The following SPOCK1 variants were observed in gnomAD, a reference collection of about 807,000 sequenced individuals.
SPOCK1 encodes the protein SPARC (osteonectin), cwcv and kazal like domains proteoglycan 1.
A neutral mutation model predicts 55.3 loss-of-function variants in SPOCK1; 23 were observed. The ratio of observed to expected loss-of-function variants is 0.42; its 90% CI spans 0.30 to 0.59. The LOEUF is 0.59. Ranked by LOEUF, SPOCK1 falls within the 20% of genes least tolerant of loss-of-function variation. The pLI is 0.22. For missense variants in SPOCK1, 499 were observed against 552.5 expected (o/e 0.90, Z 0.97); for synonymous variants, 226 against 221.0 (o/e 1.02, Z -0.20).
intron 5 of SPOCK1, among the ~76,000 whole-genome samples, chr5:137,106,012 G>A (rs1216255689): frequency 6.6e-6 from 1 of 152,166 alleles, no homozygotes; most frequent in East Asian, 1.9e-4. Context: ...AAGGCCCAGT[G>A]CTGGGAAGTG....
At chr5:137,423,211 C>T (rs967412750) in intron 2 of SPOCK1, among the ~76,000 whole-genome samples, 1 of 152,310 alleles carries the variant, frequency 6.6e-6, no homozygotes, top group Admixed American at 6.5e-5. Flanking sequence ...GGGTGCCTCC[C>T]AGTTAGGCTA....
chr5:137,017,014 C>T (rs1456278449), intron 6 of SPOCK1, among the ~76,000 whole-genome samples: 1 of 152,238 alleles, frequency 6.6e-6, no homozygotes, highest in Admixed American at 6.5e-5. Flanking sequence ...GGGAAGTACT[C>T]GAGGCCCTGC....
chr5:137,434,303 A>G (rs1485664642), intron 2 of SPOCK1, among the ~76,000 whole-genome samples: 1 of 151,746 alleles, frequency 6.6e-6, no homozygotes, highest in East Asian at 1.9e-4. Context: ...ATTTACCTCA[A>G]CTCCTAAAAA....
At position 136,978,571 on chromosome 5, in the gene SPOCK1, G is replaced by A; in HGVS notation, c.*83C>T. The A allele has an allele frequency of 6.9e-7, 1 of 1,450,796 alleles. No individual in the cohort carries two copies. Among genetic ancestry groups the A allele is most frequent in the Non-Finnish European group, 9.3e-7 (1 of 1,072,576 alleles). 89.9% of individuals were successfully genotyped at this position (1,450,796 alleles called of 1,614,324 possible). On this transcript the variant is annotated 3_prime_UTR_variant, in exon 11 of 11. Coordinates refer to ENST00000394945, the MANE Select transcript of SPOCK1 (RefSeq NM_004598.4). ...GCAACAATGGAGAAGAGACCTTGGT[G>A]CCTTGGAGTCTTAGATACAAATGCA... is the stretch of plus-strand genomic sequence containing the variant.
chr5:137,396,814 G>A (rs1751858777), intron 2 of SPOCK1, among the ~76,000 whole-genome samples: 1 of 152,198 alleles, frequency 6.6e-6, no homozygotes, highest in Non-Finnish European at 1.5e-5. Context: ...TGCATTGAGT[G>A]ACTTATCTGG....
rs552980605 is a variant in SPOCK1 at position 137,146,619 on chromosome 5, T to A, written c.233-5925A>T. 1.0e-3 allele frequency among the ~76,000 whole-genome samples: 152 copies of A among 152,314 alleles called. 4 individuals carry two copies. In the Middle Eastern group the frequency reaches 0.024, roughly 24 times the overall value. Reference sequence around the variant, plus strand: ...AGGAACATTTATTGCAGCTTGTCTGTCCCCATGGTAACCCGTGCATGCATC... The same window carrying A: ...AGGAACATTTATTGCAGCTTGTCTGACCCCATGGTAACCCGTGCATGCATC... On this transcript the variant is annotated intron_variant, in intron 3 of 10. Coordinates refer to ENST00000394945, the MANE Select transcript of SPOCK1 (RefSeq NM_004598.4).
chr5:137,228,054 C>T (rs952706632), intron 3 of SPOCK1, among the ~76,000 whole-genome samples: 3 of 152,156 alleles, frequency 2.0e-5, no homozygotes, highest in African/African-American at 7.2e-5. Flanking sequence ...GCATTTTCTC[C>T]TCTTCATTTA....
At chr5:137,149,828 A>G (rs1754278941) in intron 3 of SPOCK1, among the ~76,000 whole-genome samples, 2 of 152,178 alleles carry the variant, frequency 1.3e-5, no homozygotes, top group African/African-American at 4.8e-5. Flanking sequence ...GGAGAGATGT[A>G]AGTTTGAGAG....
chr5:137,093,377 C>T (rs1481274167), intron 5 of SPOCK1, among the ~76,000 whole-genome samples: 2 of 152,190 alleles, frequency 1.3e-5, no homozygotes, highest in Non-Finnish European at 2.9e-5. Flanking sequence ...GCTTTCCTGG[C>T]ACATTATGAG....
At position 137,498,375 on chromosome 5, in the gene SPOCK1, C is replaced by T; in HGVS notation, c.184G>A (p.Asp62Asn). 9 of 1,597,976 alleles carry T rather than the reference C, an allele frequency of 5.6e-6. No individual in the cohort carries two copies. Among genetic ancestry groups the T allele is most frequent in the Non-Finnish European group, 7.7e-6 (9 of 1,172,436 alleles). ...DRDKYWNRFR[D>N]DDYFRNWNPN... Reference sequence around the variant, plus strand: ...GGCCGGGTGGCGCCGGTACTCACGTCTCGAAAGCGGTTCCAGTACTTGTCC... The same window carrying T: ...GGCCGGGTGGCGCCGGTACTCACGTTTCGAAAGCGGTTCCAGTACTTGTCC... The change falls in exon 2 of 11, where the codon GAC becomes AAC. Residue 62 changes from aspartate to asparagine, a missense_variant and splice_region_variant. Physicochemically the swap from Asp to Asn is conservative, Grantham distance 23 (BLOSUM62 1). Transcript: ENST00000394945.
chr5:137,176,842 C>T (rs1284988408), intron 3 of SPOCK1, among the ~76,000 whole-genome samples: 4 of 152,054 alleles, frequency 2.6e-5, no homozygotes, highest in Non-Finnish European at 5.9e-5. Flanking sequence ...ATCCTAAAGC[C>T]CTGGTTTCTC....
At chr5:137,318,582 A>G (rs1305968007) in intron 2 of SPOCK1, among the ~76,000 whole-genome samples, 1 of 152,216 alleles carries the variant, frequency 6.6e-6, no homozygotes, top group Non-Finnish European at 1.5e-5. Context: ...GGTGAGCCAG[A>G]TAATTGTTTA....
chr5:137,228,673 A>T (rs1396890006), intron 3 of SPOCK1, among the ~76,000 whole-genome samples: 1 of 152,016 alleles, frequency 6.6e-6, no homozygotes, highest in Non-Finnish European at 1.5e-5. Context: ...AACAAAAAAA[A>T]CCTAATCATC....
intron 2 of SPOCK1, among the ~76,000 whole-genome samples, chr5:137,327,414 A>G (rs572550203): frequency 6.6e-6 from 1 of 152,380 alleles, no homozygotes; most frequent in East Asian, 1.9e-4. Flanking sequence ...AACAAATAAG[A>G]AAATAGATTC....
intron 2 of SPOCK1, among the ~76,000 whole-genome samples, chr5:137,302,859 G>A (rs924805039): frequency 1.3e-5 from 2 of 152,122 alleles, no homozygotes; most frequent in African/African-American, 4.8e-5. Flanking sequence ...TATAAGGCTG[G>A]GGTTGTTCCA....
chr5:137,397,982 AAAG>A (rs1751892138), intron 2 of SPOCK1, among the ~76,000 whole-genome samples: 1 of 152,130 alleles, frequency 6.6e-6, no homozygotes, highest in Non-Finnish European at 1.5e-5. Flanking sequence ...TCAGAACCTA[AAAG>A]AAGGAAGATG....
intron 2 of SPOCK1, among the ~76,000 whole-genome samples, chr5:137,455,721 T>TCTTCATGGCTTAAGATTCAGAGA (rs1753350586): frequency 6.6e-6 from 1 of 152,110 alleles, no homozygotes; most frequent in Non-Finnish European, 1.5e-5. Context: ...CCACCAGCTT[T>TCTTCATGGCTTAAGATTCAGAGA]CTTCATGGCT....
intron 6 of SPOCK1, among the ~76,000 whole-genome samples, chr5:137,038,215 C>T (rs989112692): frequency 2.0e-5 from 3 of 152,174 alleles, no homozygotes; most frequent in Non-Finnish European, 4.4e-5. Flanking sequence ...AAGTCTGAGA[C>T]TCATGAAAGA....
At chr5:137,207,657 A>G (rs1471165024) in intron 3 of SPOCK1, among the ~76,000 whole-genome samples, 1 of 152,116 alleles carries the variant, frequency 6.6e-6, no homozygotes, top group Non-Finnish European at 1.5e-5. Context: ...CTCAGGGACA[A>G]AAGACAGGGG....
Sources: gnomAD v4.1 joint callset for allele counts (sites outside exome capture counted in the v4.1 genomes callset) on GRCh38, gnomAD v4.1.1 for gene constraint, MANE v1.5 for transcripts, NCBI Gene and HGNC (gene_info 2026-07-23, HGNC 2026-07-21) for gene names.